The following FARSB variants were observed in gnomAD, a reference collection of about 807,000 sequenced individuals.
FARSB encodes the protein phenylalanyl-tRNA synthetase subunit beta, also known as phenylalanine--tRNA ligase beta subunit.
Under a neutral mutation model 69.6 loss-of-function variants are expected in FARSB, and 40 were observed. The observed-to-expected ratio is 0.57, with a 90% CI of 0.45 to 0.75. The LOEUF (loss-of-function observed/expected upper bound fraction) is 0.75. Ranked by LOEUF, FARSB falls within the 30% of genes least tolerant of loss-of-function variation. The pLI is 0.00. For missense variants in FARSB, 632 were observed against 722.9 expected (o/e 0.87, Z 1.44); for synonymous variants, 235 against 247.2 (o/e 0.95, Z 0.46).
At chr2:222,638,291 G>A (rs1011051885) in intron 5 of FARSB, among the ~76,000 whole-genome samples, 1 of 152,122 alleles carries the variant, frequency 6.6e-6, no homozygotes, top group Non-Finnish European at 1.5e-5. Flanking sequence ...CTTCCCCTTA[G>A]AAAAAGCTCA....
At position 222,594,204 on chromosome 2, in the gene FARSB, C is replaced by A. The variant is rs1690353337; in HGVS notation, c.1618+5724G>T. ...ATCACAGTGAGCCATGATCATGCCA[C>A]TACACTCTAGCCTGGGCAACACAGC... On this transcript the variant is annotated intron_variant, in intron 16 of 16. Coordinates refer to ENST00000281828, the MANE Select transcript of FARSB (RefSeq NM_005687.5). Among the ~76,000 whole-genome samples the A allele has an allele frequency of 2.0e-5, 3 of 151,410 alleles. No individual in the cohort carries two copies. In the South Asian group the frequency reaches 6.3e-4, roughly 32 times the overall value.
chr2:222,592,227 G>T (rs1238074758), intron 16 of FARSB, among the ~76,000 whole-genome samples: 1 of 152,094 alleles, frequency 6.6e-6, no homozygotes, highest in Non-Finnish European at 1.5e-5. Context: ...GTGGTCATGT[G>T]CTCAGGAGAT....
chr2:222,653,874 G>C lies in FARSB; in HGVS notation c.58+2142C>G, dbSNP rs531613231. Among the ~76,000 whole-genome samples, 5 of 151,892 alleles carry C rather than the reference G, an allele frequency of 3.3e-5. No individual in the cohort carries two copies. The South Asian group carries it at 1.0e-3, about 31-fold the overall frequency. ...TGAGCTCAAGCAATCTGCCCACCTC[G>C]TCCTCCCAAAGTGCTGTGATTACAA... On this transcript the variant is annotated intron_variant, in intron 1 of 16. Coordinates refer to ENST00000281828, the MANE Select transcript of FARSB (RefSeq NM_005687.5).
intron 1 of FARSB, among the ~76,000 whole-genome samples, chr2:222,650,732 G>A (rs1191624307): frequency 6.6e-6 from 1 of 152,144 alleles, no homozygotes; most frequent in Non-Finnish European, 1.5e-5. Flanking sequence ...AGTGAGTCTG[G>A]AAGCAGATTC....
At chr2:222,617,427 G>T (rs1230517563) in intron 14 of FARSB, among the ~76,000 whole-genome samples, 1 of 152,188 alleles carries the variant, frequency 6.6e-6, no homozygotes, top group East Asian at 1.9e-4. Context: ...TTCACTAGGG[G>T]AATACAAGGC....
At chr2:222,635,409 G>T (rs950322633) in intron 5 of FARSB, among the ~76,000 whole-genome samples, 3 of 152,150 alleles carry the variant, frequency 2.0e-5, no homozygotes, top group African/African-American at 7.2e-5. Context: ...AGGACTGCAG[G>T]ACTGGTGAAC....
chr2:222,624,719 T>G lies in FARSB; in HGVS notation c.957A>C (p.Gly319=), dbSNP rs746889838. 5 of 1,601,616 alleles carry G rather than the reference T, an allele frequency of 3.1e-6. No individual in the cohort carries two copies. Among genetic ancestry groups the G allele is most frequent in the Non-Finnish European group, 4.3e-6 (5 of 1,172,058 alleles). ...GTGAAGTTTTCAGAGCATACCTGAT[T>G]CCAACTTTTTTGTTAATTAGGTCAG... ...VRADLINKKV[G]IRETPENLAK... Residue 319 remains glycine, a synonymous_variant, in exon 11 of 17, where the codon GGA becomes GGC. Transcript: ENST00000281828.
chr2:222,655,203 T>TA (rs376792764), intron 1 of FARSB, among the ~76,000 whole-genome samples: 1,610 of 143,756 alleles, frequency 0.011, 15 homozygotes, highest in African/African-American at 0.026. Context: ...AAAATAAAAA[T>TA]AAAAAAAAAA....
chr2:222,655,281 T>A (rs1041739692), intron 1 of FARSB, among the ~76,000 whole-genome samples: 1 of 152,158 alleles, frequency 6.6e-6, no homozygotes, highest in Non-Finnish European at 1.5e-5. Flanking sequence ...CCTCCTTTTT[T>A]TCAATGGTTG....
intron 16 of FARSB, among the ~76,000 whole-genome samples, chr2:222,572,758 A>G (rs559593369): frequency 2.0e-5 from 3 of 152,336 alleles, no homozygotes; most frequent in Non-Finnish European, 4.4e-5. Context: ...ATGCACTGAT[A>G]CAGCTTACCA....
At chr2:222,648,496 A>C (rs1691930621) in intron 2 of FARSB, among the ~76,000 whole-genome samples, 1 of 152,178 alleles carries the variant, frequency 6.6e-6, no homozygotes, top group South Asian at 2.1e-4. Flanking sequence ...CATTCTATCC[A>C]TTTCCACAGC....
chr2:222,615,111 ATT>A (rs1232498138), intron 14 of FARSB, among the ~76,000 whole-genome samples: 1 of 152,048 alleles, frequency 6.6e-6, no homozygotes, highest in Non-Finnish European at 1.5e-5. Context: ...AAAAGCAAAA[ATT>A]TCCTGCTTTG....
chr2:222,639,139 A>C (rs1333779779), intron 5 of FARSB, among the ~76,000 whole-genome samples: 1 of 152,198 alleles, frequency 6.6e-6, no homozygotes, highest in African/African-American at 2.4e-5. Context: ...AATTACTCTC[A>C]CTCAAAAAGT....
intron 13 of FARSB, among the ~76,000 whole-genome samples, chr2:222,620,742 T>C (rs779841598): frequency 6.6e-6 from 1 of 152,262 alleles, no homozygotes; most frequent in Non-Finnish European, 1.5e-5. Flanking sequence ...CATCAGATTA[T>C]TGTACTATTG....
intron 9 of FARSB, among the ~76,000 whole-genome samples, chr2:222,629,385 A>T (rs908206176): frequency 1.3e-5 from 2 of 152,236 alleles, no homozygotes; most frequent in East Asian, 3.8e-4. Context: ...ATAGTTTTTT[A>T]AACTAAAAAT....
chr2:222,656,068 C>G lies in FARSB; in HGVS notation c.6G>C (p.Pro2=), dbSNP rs750806415. 27 of 1,595,750 alleles carry G rather than the reference C, an allele frequency of 1.7e-5. No individual in the cohort carries two copies. Among genetic ancestry groups the G allele is most frequent in the Non-Finnish European group, 2.2e-5 (26 of 1,172,680 alleles). Residue 2 remains proline (P), a synonymous_variant, in exon 1 of 17, where the codon CCG becomes CCC. Transcript: ENST00000281828. ...GCAGATCACGCTTCACGCTGACAGT[C>G]GGCATGGTGTGTCGAACTCACTGCG... M[P]TVSVKRDLLF... is the part of the protein sequence containing the mutation.
intron 13 of FARSB, among the ~76,000 whole-genome samples, chr2:222,622,049 G>A (rs924550609): frequency 3.3e-5 from 5 of 152,124 alleles, no homozygotes; most frequent in Admixed American, 6.6e-5. Flanking sequence ...AGGCATGGGC[G>A]GGAATCCCTG....
rs185687210 is a variant in FARSB, at chr2:222,654,611, T to C, written c.58+1405A>G. 1.5e-3 allele frequency among the ~76,000 whole-genome samples: 221 copies of C among 152,308 alleles called. 1 individual carries two copies. Among genetic ancestry groups the C allele is most frequent in the Admixed American group, 0.013 (193 of 15,308 alleles). On this transcript the variant is annotated intron_variant, in intron 1 of 16. Transcript: ENST00000281828. ...ATTATAAAATAAAGCGATTAGGCGA[T>C]TAGAGCCAAGTACAAAGGGTAAGAG...
intron 5 of FARSB, among the ~76,000 whole-genome samples, chr2:222,638,259 A>G (rs1338327791): frequency 6.6e-6 from 1 of 152,218 alleles, no homozygotes; most frequent in Non-Finnish European, 1.5e-5. Context: ...TGGCACACCA[A>G]AGTATTAGGA....
Sources: allele counts gnomAD v4.1 joint callset (sites outside exome capture counted in the v4.1 genomes callset), GRCh38; gene constraint gnomAD v4.1.1; transcripts MANE v1.5; gene names NCBI Gene and HGNC (gene_info 2026-07-23, HGNC 2026-07-21).